Variants in MSH4 observed in about 807,000 individuals in gnomAD.
MSH4 encodes the protein mutS homolog 4.
A neutral mutation model predicts 113.7 loss-of-function variants in MSH4; 106 were observed. The observed-to-expected ratio is 0.93, with a 90% confidence interval of 0.80 to 1.10. The LOEUF (loss-of-function observed/expected upper bound fraction) is 1.10. MSH4 is among the 50% of genes least tolerant of loss of function. MSH4 has a pLI of 0.00. For missense variants in MSH4, 1,061 were observed against 1,093.7 expected (o/e 0.97, Z 0.42); for synonymous variants, 368 against 380.2 (o/e 0.97, Z 0.37).
At chr1:75,884,652 A>T (rs537360883) in intron 15 of MSH4, among the ~76,000 whole-genome samples, 1 of 152,146 alleles carries the variant, frequency 6.6e-6, no homozygotes, top group Admixed American at 6.6e-5. Context: ...ACACACACAC[A>T]TAAGAAAGAT....
chr1:75,808,893 T>G (rs1650124413), intron 3 of MSH4, among the ~76,000 whole-genome samples: 1 of 152,160 alleles, frequency 6.6e-6, no homozygotes, highest in South Asian at 2.1e-4. Context: ...TAGAGATAGT[T>G]TACTCCTAAT....
At chr1:75,829,142 G>A (rs751960026) in intron 7 of MSH4, among the ~76,000 whole-genome samples, 54 of 152,282 alleles carry the variant, frequency 3.5e-4, no homozygotes, top group Non-Finnish European at 6.3e-4. Flanking sequence ...ATTATATCCC[G>A]CACCTGGCTT....
intron 15 of MSH4, among the ~76,000 whole-genome samples, chr1:75,888,167 T>G: frequency 6.6e-6 from 1 of 151,702 alleles, no homozygotes; most frequent in African/African-American, 2.4e-5. Flanking sequence ...TTCCTCAGAG[T>G]TAAGCCCTAT....
chr1:75,893,115 C>CT (rs1418610744), intron 17 of MSH4, among the ~76,000 whole-genome samples: 1 of 152,176 alleles, frequency 6.6e-6, no homozygotes, highest in African/African-American at 2.4e-5. Context: ...CTTAATTAGC[C>CT]TTGCTGCTAT....
In MSH4 at chr1:75,885,975, A is replaced by AATATATAT. The variant is rs1652092345; in HGVS notation, c.2107+2154_2107+2155insATATATAT. Among the ~76,000 whole-genome samples, 2 of 111,960 alleles carry AATATATAT rather than the reference A, an allele frequency of 1.8e-5. 1 individual carries two copies. The highest frequency in any genetic ancestry group is 3.4e-5 in the Non-Finnish European group (2 of 59,312). 73.5% of individuals were successfully genotyped at this position (111,960 alleles called of 152,430 possible). A position where few individuals can be genotyped will look rare whatever the true frequency, so the allele number is the denominator to read the frequency against. On this transcript the variant is annotated intron_variant, in intron 15 of 19. Transcript: ENST00000263187. ...ATATGATGTATTATATAGCATGTAT[A>AATATATAT]GTATATATGATGTATTATATAGCAT...
At chr1:75,891,610 T>C (rs867856691) in intron 17 of MSH4, among the ~76,000 whole-genome samples, 4 of 152,026 alleles carry the variant, frequency 2.6e-5, no homozygotes, top group Admixed American at 6.6e-5. Flanking sequence ...TGCACCATCA[T>C]GCTTAGCTAA....
At chr1:75,879,156 G>A (rs1651878243) in intron 12 of MSH4, 28 bp downstream of exon 12, 1 of 1,591,184 alleles carries the variant, frequency 6.3e-7, no homozygotes, top group Non-Finnish European at 8.6e-7. Context: ...TAGGAAATTA[G>A]TGTTTCTGAT....
chr1:75,853,431 G>A (rs1006635751), intron 8 of MSH4, among the ~76,000 whole-genome samples: 6 of 152,108 alleles, frequency 3.9e-5, no homozygotes, highest in East Asian at 3.9e-4. Flanking sequence ...GTGATGATGC[G>A]TTCTTCTCAT....
At chr1:75,888,420 A>G (rs1243711957) in intron 15 of MSH4, among the ~76,000 whole-genome samples, 1 of 152,096 alleles carries the variant, frequency 6.6e-6, no homozygotes, top group African/African-American at 2.4e-5. Flanking sequence ...AGTTAGCACA[A>G]TAACTTCTTG....
At chr1:75,903,302 G>A (rs1341038351) in intron 19 of MSH4, among the ~76,000 whole-genome samples, 5 of 151,730 alleles carry the variant, frequency 3.3e-5, no homozygotes, top group Admixed American at 6.6e-5. Context: ...TGAAGAGACT[G>A]TCTTCTTGGT....
intron 11 of MSH4, among the ~76,000 whole-genome samples, chr1:75,878,770 C>T (rs1017342381): frequency 2.7e-5 from 4 of 150,434 alleles, no homozygotes; most frequent in African/African-American, 4.9e-5. Flanking sequence ...GTCGAGACTG[C>T]AGTAAGTTAT....
chr1:75,836,150 A>G (rs930971367), intron 7 of MSH4, among the ~76,000 whole-genome samples: 4 of 152,140 alleles, frequency 2.6e-5, no homozygotes, highest in Admixed American at 1.3e-4. Context: ...TAAACTCCAG[A>G]ATTTCTTTGC....
intron 19 of MSH4, among the ~76,000 whole-genome samples, 165 bp from the exon 20 acceptor site, chr1:75,912,531 G>A (rs1652808215): frequency 6.6e-6 from 1 of 151,722 alleles, no homozygotes; most frequent in Non-Finnish European, 1.5e-5. Flanking sequence ...ATTTCTTCTT[G>A]TATATTCTTT....
chr1:75,887,735 C>A (rs1055364780), intron 15 of MSH4, among the ~76,000 whole-genome samples: 1 of 152,062 alleles, frequency 6.6e-6, no homozygotes, highest in Non-Finnish European at 1.5e-5. Flanking sequence ...CAAATTGTCC[C>A]CACCCTTCTC....
At chr1:75,881,146 T>G (rs1294027842) in intron 13 of MSH4, 100 bp from the exon 14 acceptor site, 1 of 900,660 alleles carries the variant, frequency 1.1e-6, no homozygotes, top group Non-Finnish European at 1.7e-6. Context: ...GATGTGAATA[T>G]TATTTTACTT....
intron 17 of MSH4, among the ~76,000 whole-genome samples, chr1:75,895,412 C>G (rs1477717878): frequency 7.9e-5 from 12 of 152,104 alleles, no homozygotes; most frequent in Admixed American, 6.6e-4. Flanking sequence ...TGGTTCACCC[C>G]ACTAGTTAAA....
In MSH4 at chr1:75,831,344, A is replaced by G. The variant is rs562789594; in HGVS notation, c.1162+8763A>G. 2.8e-4 allele frequency among the ~76,000 whole-genome samples: 43 copies of G among 152,242 alleles called. 1 individual carries two copies. In the South Asian group the frequency reaches 6.8e-3, roughly 24 times the overall value. On this transcript the variant is annotated intron_variant, in intron 7 of 19. Transcript: ENST00000263187. ...GACTCCCACACAATAATAGTCGGAG[A>G]CTTTAATACCCCACTGTCAACATTA...
intron 10 of MSH4, among the ~76,000 whole-genome samples, chr1:75,877,527 C>T (rs941836776): frequency 6.6e-6 from 1 of 152,066 alleles, no homozygotes; most frequent in African/African-American, 2.4e-5. Flanking sequence ...AGATTTATCC[C>T]GTGTGAGGCC....
Position 75,797,092 on chromosome 1 carries a change from AG to A in MSH4, c.109del (p.Glu37ArgfsTer122). 6.2e-7 allele frequency: 1 copy of A among 1,614,020 alleles called. No individual in the cohort carries two copies. The highest frequency in any genetic ancestry group is 8.5e-7 in the Non-Finnish European group (1 of 1,179,920). On this transcript the variant is annotated frameshift_variant, in exon 1 of 20. Transcript: ENST00000263187. LOFTEE classifies it high-confidence loss of function. ...PQGPRYNFGL[Q>X]ETPQSRPSVQ... is the part of the protein sequence containing the mutation. The stretch of plus-strand genomic sequence containing the variant: ...GGTCCCCGCTACAATTTCGGACTCC[AG>A]GAGACTCCACAGAGCCGCCCTTCGG...
Sources: gnomAD v4.1 joint callset for allele counts (sites outside exome capture counted in the v4.1 genomes callset) on GRCh38, gnomAD v4.1.1 for gene constraint, MANE v1.5 for transcripts, NCBI Gene and HGNC (gene_info 2026-07-23, HGNC 2026-07-21) for gene names.